The following HMGN1 variants were observed in gnomAD, a reference collection of about 807,000 sequenced individuals.
HMGN1 encodes the protein high mobility group nucleosome binding domain 1, also known as non-histone chromosomal protein HMG-14.
A neutral mutation model predicts 18.4 loss-of-function variants in HMGN1; 9 were observed. That is an observed-to-expected ratio of 0.49 (90% CI 0.29 to 0.85). The LOEUF is 0.85. HMGN1 is among the 40% of genes least tolerant of loss of function. The pLI is 0.07. For missense variants in HMGN1, 151 were observed against 119.2 expected (o/e 1.27, Z -1.24); for synonymous variants, 59 against 45.0 (o/e 1.31, Z -1.24).
At chr21:39,346,062 C>A in intron 4 of HMGN1, 1 of 607,096 alleles carries the variant, frequency 1.6e-6, no homozygotes, top group Non-Finnish European at 2.7e-6. Context: ...TACCATCCAT[C>A]AATACTGAGA....
At chr21:39,347,992 A>C (rs1470165030) in intron 4 of HMGN1, 4 of 1,273,452 alleles carry the variant, frequency 3.1e-6, no homozygotes, top group Non-Finnish European at 4.0e-6. Context: ...ACGAATTAAA[A>C]GCCAAGCACC....
At chr21:39,346,400 G>T in intron 4 of HMGN1, 1 of 161,534 alleles carries the variant, frequency 6.2e-6, no homozygotes, top group Non-Finnish European at 1.4e-5. Flanking sequence ...AATCACTTCT[G>T]TATTTAAGAA....
chr21:39,348,627 C>G, intron 1 of HMGN1, 50 bp from the exon 2 acceptor site: 1 of 1,502,040 alleles, frequency 6.7e-7, no homozygotes, highest in East Asian at 2.5e-5. Context: ...TCCCAGGACT[C>G]GCGGGCCCGC....
chr21:39,348,180 AATT>A (rs1369177276), intron 4 of HMGN1, 109 bp downstream of exon 4: 5 of 1,357,204 alleles, frequency 3.7e-6, no homozygotes, highest in Non-Finnish European at 3.1e-6. Context: ...TATTTACCGT[AATT>A]ATTAAAGTAT....
intron 5 of HMGN1, among the ~76,000 whole-genome samples, 156 bp downstream of exon 5, chr21:39,344,990 A>C (rs1025953297): frequency 2.6e-5 from 4 of 152,210 alleles, no homozygotes; most frequent in African/African-American, 9.7e-5. Flanking sequence ...AAATCATAGA[A>C]AACCATTTGT....
chr21:39,345,796 A>G (rs1323610386), intron 4 of HMGN1: 1 of 1,293,488 alleles, frequency 7.7e-7, no homozygotes, highest in African/African-American at 1.5e-5. Flanking sequence ...TACTGTCCTC[A>G]CAAGACCTTA....
At chr21:39,346,552 G>A (rs886563421) in intron 4 of HMGN1, 3 of 152,040 alleles carry the variant, frequency 2.0e-5, no homozygotes, top group Admixed American at 6.6e-5. Context: ...ACCATTATCA[G>A]CTGAAAAGCT....
In HMGN1 at chr21:39,343,165, A is replaced by G. The variant is rs372501781; in HGVS notation, c.256-6T>C. The G allele has an allele frequency of 4.1e-5, 66 of 1,591,002 alleles. No individual in the cohort carries two copies. The highest frequency in any genetic ancestry group is 1.9e-4 in the African/African-American group (14 of 73,870). On this transcript the variant is annotated splice_polypyrimidine_tract_variant and splice_region_variant and intron_variant, in intron 5 of 5. Transcript: ENST00000380749. ...GCTTCATCAGAGGCTGGACTCTGCA[A>G]AAGAAAGGAAATTGAGATCTTTAGC...
At chr21:39,348,654 T>C (rs1482750149) in intron 1 of HMGN1, 77 bp from the exon 2 acceptor site, 5 of 1,468,760 alleles carry the variant, frequency 3.4e-6, no homozygotes, top group Non-Finnish European at 4.5e-6. Flanking sequence ...CCGAGAACAA[T>C]GCCCGGCCGC....
At chr21:39,344,977 C>T (rs8127408) in intron 5 of HMGN1, among the ~76,000 whole-genome samples, 169 bp downstream of exon 5, 55 of 152,272 alleles carry the variant, frequency 3.6e-4, no homozygotes, top group African/African-American at 1.2e-3. Context: ...TTTCCAATAA[C>T]ATAAATCATA....
intron 5 of HMGN1, among the ~76,000 whole-genome samples, chr21:39,343,881 G>A (rs1234655820): frequency 6.6e-6 from 1 of 152,132 alleles, no homozygotes; most frequent in Non-Finnish European, 1.5e-5. Flanking sequence ...TGTACTAGAA[G>A]GTCAAGTTCT....
chr21:39,348,102 G>A lies in HMGN1; in HGVS notation c.126+190C>T, dbSNP rs1025010673. 15 of 879,094 alleles carry A rather than the reference G, an allele frequency of 1.7e-5. No individual in the cohort carries two copies. In the Admixed American group the frequency reaches 2.0e-4, roughly 12 times the overall value. The allele number at this position is 879,094 out of a possible 1,614,324, so 54.5% of individuals were successfully genotyped here. On this transcript the variant is annotated intron_variant, in intron 4 of 5. Coordinates refer to ENST00000380749, the MANE Select transcript of HMGN1 (RefSeq NM_004965.7). ...TCTCCTAACATCTGCAGCAGCATTA[G>A]TGTGATATAGTTCTATAAACCAGGA...
intron 5 of HMGN1, among the ~76,000 whole-genome samples, chr21:39,343,809 G>A (rs774988461): frequency 6.6e-6 from 1 of 152,130 alleles, no homozygotes; most frequent in Non-Finnish European, 1.5e-5. Flanking sequence ...TCATACTTGT[G>A]GCAGCCTTAT....
chr21:39,347,425 A>C, intron 4 of HMGN1: 1 of 1,282,224 alleles, frequency 7.8e-7, no homozygotes, highest in South Asian at 1.3e-5. Context: ...CAACTCCTCA[A>C]TGTCAAGGAA....
In HMGN1 at chr21:39,349,077, G is replaced by A; in HGVS notation, c.-160C>T. The A allele has an allele frequency of 1.2e-6, 1 of 833,908 alleles. No homozygotes were observed. 51.7% of individuals were successfully genotyped at this position (833,908 alleles called of 1,614,324 possible). On this transcript the variant is annotated 5_prime_UTR_variant, in exon 1 of 6. Coordinates refer to ENST00000380749, the MANE Select transcript of HMGN1 (RefSeq NM_004965.7). ...GCTGAGACCCACAGCGGGGGCGGTG[G>A]GAGAACCGGATGGAACCGGATTGGG...
Position 39,348,827 on chromosome 21 carries a change from G to A in HMGN1, c.15+76C>T, listed in dbSNP as rs2037165407. On this transcript the variant is annotated intron_variant, in intron 1 of 5. Coordinates refer to ENST00000380749, the MANE Select transcript of HMGN1 (RefSeq NM_004965.7). ...CCGTCGCCACCGTGGGTGCAACGGG[G>A]CCTGGGCCTCGCGGGGCCCGGCGGG... 24 of 1,028,164 alleles carry A rather than the reference G, an allele frequency of 2.3e-5. No individual in the cohort carries two copies. The South Asian group carries it at 9.3e-4, about 40-fold the overall frequency. 63.7% of individuals were successfully genotyped at this position (1,028,164 alleles called of 1,614,324 possible). A position where few individuals can be genotyped will look rare whatever the true frequency, so the allele number is the denominator to read the frequency against.
At chr21:39,347,750 T>C (rs572585540) in intron 4 of HMGN1, 49 of 268,924 alleles carry the variant, frequency 1.8e-4, no homozygotes, top group Non-Finnish European at 3.4e-4. Context: ...ACGAATTTGT[T>C]AGGGAGCAGC....
chr21:39,344,836 AG>A (rs1259190811), intron 5 of HMGN1, among the ~76,000 whole-genome samples: 3 of 152,246 alleles, frequency 2.0e-5, no homozygotes, highest in Non-Finnish European at 4.4e-5. Context: ...AATGCAAGTA[AG>A]GGGAATAAAT....
At chr21:39,343,305 A>AC in intron 5 of HMGN1, 146 bp from the exon 6 acceptor site, 1 of 680,714 alleles carries the variant, frequency 1.5e-6, no homozygotes, top group Non-Finnish European at 2.5e-6. Context: ...TTTGTTAACC[A>AC]CCCCCTCACC....
Sources: gnomAD v4.1 joint callset for allele counts (sites outside exome capture counted in the v4.1 genomes callset) on GRCh38, gnomAD v4.1.1 for gene constraint, MANE v1.5 for transcripts, NCBI Gene and HGNC (gene_info 2026-07-23, HGNC 2026-07-21) for gene names.